ADGRG5: variants seen among roughly 807,000 people sequenced by gnomAD.
The protein encoded by ADGRG5 is adhesion G protein-coupled receptor G5.
ADGRG5 carries 37 observed loss-of-function variants against 53.2 expected under a neutral mutation model. The observed-to-expected ratio is 0.70, with a 90% confidence interval of 0.53 to 0.91. The LOEUF (loss-of-function observed/expected upper bound fraction) is 0.91. ADGRG5 is among the 40% of genes least tolerant of loss of function. The pLI, the probability that ADGRG5 is intolerant of heterozygous loss-of-function variation, is 0.00. For missense variants in ADGRG5, 614 were observed against 675.8 expected, an observed-to-expected ratio of 0.91 and a Z score of 1.01; for synonymous variants, 277 against 290.4, an observed-to-expected ratio of 0.95 and a Z score of 0.47.
intron 10 of ADGRG5, among the ~76,000 whole-genome samples, chr16:57,573,237 A>G (rs4784831): frequency 0.31 from 46,925 of 151,758 alleles, 8,040 homozygotes; most frequent in East Asian, 0.71. Flanking sequence ...TTCGAGATCA[A>G]CCTGGACAAC....
At chr16:57,566,922 C>G (rs1419245613) in intron 7 of ADGRG5, among the ~76,000 whole-genome samples, 171 bp downstream of exon 7, 4 of 152,236 alleles carry the variant, frequency 2.6e-5, no homozygotes, top group Admixed American at 6.5e-5. Context: ...GGTTAGGCTT[C>G]AGGCATGGCT....
At chr16:57,542,550 G>C (rs1422770922), upstream of ADGRG5, 1 of 152,734 alleles carries the variant, frequency 6.5e-6, no homozygotes, top group Non-Finnish European at 1.5e-5. Flanking sequence ...CTGGGCCTGG[G>C]GTGAAGGGAG....
At chr16:57,559,717 G>A (rs540172408) in intron 1 of ADGRG5, among the ~76,000 whole-genome samples, 2 of 151,862 alleles carry the variant, frequency 1.3e-5, no homozygotes, top group Admixed American at 1.3e-4. Flanking sequence ...TTGCTTGGTG[G>A]CCTGTGACCC....
chr16:57,562,292 A>G, intron 2 of ADGRG5, 92 bp from the exon 3 acceptor site: 1 of 1,419,182 alleles, frequency 7.0e-7, no homozygotes, highest in South Asian at 1.2e-5. Context: ...GCTGCTTGTG[A>G]ACTAGACTCT....
chr16:57,567,798 G>A, intron 8 of ADGRG5, 58 bp from the exon 9 acceptor site: 3 of 1,548,312 alleles, frequency 1.9e-6, no homozygotes, highest in Non-Finnish European at 1.7e-6. Flanking sequence ...TGCACCCAGT[G>A]GGTAGTGCTG....
rs2146854036 is a variant in ADGRG5, at chr16:57,576,557, G to C, written c.*1019G>C. The C allele has an allele frequency of 6.6e-6, 1 of 152,278 alleles. No homozygotes were observed. Among genetic ancestry groups the C allele is most frequent in the African/African-American group, 2.4e-5 (1 of 41,536 alleles). The allele number at this position is 152,278 out of a possible 1,614,324, so 9.4% of individuals were successfully genotyped here. On this transcript the variant is annotated 3_prime_UTR_variant, in exon 12 of 12. Transcript: ENST00000349457. Reference sequence around the variant, plus strand: ...AGTGCGTTTCCCAGAACGAACACTAGGCGGCACCGTTGGTCCACACTCAGA... The same window carrying C: ...AGTGCGTTTCCCAGAACGAACACTACGCGGCACCGTTGGTCCACACTCAGA...
chr16:57,540,949 C>G (rs1344043203), upstream of ADGRG5, among the ~76,000 whole-genome samples: 4 of 152,136 alleles, frequency 2.6e-5, no homozygotes, highest in Non-Finnish European at 4.4e-5. Context: ...TGCCACCACA[C>G]CCGGCTAATT....
chr16:57,543,966 C>CCAGTGT (rs1448344905), intron 1 of ADGRG5, among the ~76,000 whole-genome samples: 1 of 152,130 alleles, frequency 6.6e-6, no homozygotes, highest in Non-Finnish European at 1.5e-5. Context: ...AGGTGCCTGC[C>CCAGTGT]CAGTGTCACA....
intron 3 of ADGRG5, 102 bp from the exon 4 acceptor site, chr16:57,562,989 G>T: frequency 9.1e-7 from 1 of 1,104,386 alleles, no homozygotes; most frequent in Non-Finnish European, 1.4e-6. Flanking sequence ...TGTGACAGAG[G>T]TGTGGGTGGG....
intron 1 of ADGRG5, among the ~76,000 whole-genome samples, chr16:57,544,472 A>G (rs1305513595): frequency 1.3e-5 from 2 of 152,056 alleles, no homozygotes; most frequent in Non-Finnish European, 2.9e-5. Flanking sequence ...TTCTATCTGG[A>G]GTGCCTGGGG....
At chr16:57,545,440 C>T (rs2032593332) in intron 1 of ADGRG5, among the ~76,000 whole-genome samples, 1 of 152,100 alleles carries the variant, frequency 6.6e-6, no homozygotes, top group Admixed American at 6.6e-5. Flanking sequence ...TGATCCCAGC[C>T]CTTTGGGAGG....
In ADGRG5 at chr16:57,570,504, G is replaced by A; in HGVS notation, c.1177G>A (p.Glu393Lys). 6.2e-7 allele frequency: 1 copy of A among 1,613,454 alleles called. No individual in the cohort carries two copies. Residue 393 changes from glutamate (E) to lysine (K), a missense_variant, in exon 10 of 12, where the codon GAG becomes AAG. By Grantham distance (56) the Glu-to-Lys change is moderately conservative. Transcript: ENST00000349457. ...PCTIPVFDSWENGTGFQNMSI... is the reference protein window; with the variant it reads ...PCTIPVFDSWKNGTGFQNMSI... Reference sequence around the variant, plus strand: ...CACAATCCCCGTCTTCGACAGCTGGGAGAATGGCACAGGCTTCCAGAACAT... The same window carrying A: ...CACAATCCCCGTCTTCGACAGCTGGAAGAATGGCACAGGCTTCCAGAACAT...
intron 1 of ADGRG5, among the ~76,000 whole-genome samples, chr16:57,546,101 C>T (rs1253247144): frequency 6.6e-6 from 1 of 152,298 alleles, no homozygotes; most frequent in East Asian, 1.9e-4. Context: ...GCTGGGATTA[C>T]AGGTGTGAGC....
the ADGRG5 span, among the ~76,000 whole-genome samples, chr16:57,536,031 T>C: frequency 6.9e-4 from 105 of 152,108 alleles, 1 homozygote; most frequent in African/African-American, 2.4e-3. Flanking sequence ...GTGGAGGGGG[T>C]TCCCGGCCCG....
At chr16:57,537,263 C>T in the ADGRG5 span, among the ~76,000 whole-genome samples, 1 of 151,928 alleles carries the variant, frequency 6.6e-6, no homozygotes, top group Admixed American at 6.5e-5. Context: ...AAAGCCGGGA[C>T]AGGCGTCTGG....
intron 9 of ADGRG5, among the ~76,000 whole-genome samples, chr16:57,568,464 A>C (rs371920261): frequency 7.5e-4 from 56 of 74,878 alleles, no homozygotes; most frequent in African/African-American, 1.0e-3. Context: ...TCATCATCTC[A>C]TCCACCTCTG....
rs2146795403 is a variant in ADGRG5, at chr16:57,562,636, T to C, written c.140+177T>C. 5.1e-6 allele frequency: 3 copies of C among 588,882 alleles called. No individual in the cohort carries two copies. In the East Asian group the frequency reaches 8.5e-5, roughly 17 times the overall value. The allele number at this position is 588,882 out of a possible 1,614,324, so 36.5% of individuals were successfully genotyped here. A position where few individuals can be genotyped will look rare whatever the true frequency, so the allele number is the denominator to read the frequency against. On this transcript the variant is annotated intron_variant, in intron 3 of 11. Transcript: ENST00000349457. ...CATGTCACTGCCCTCATGAAGTTTA[T>C]CATCGAGGAATGGGGGCCCTTAATC...
intron 4 of ADGRG5, 37 bp downstream of exon 4, chr16:57,563,284 C>A: frequency 6.3e-7 from 1 of 1,599,270 alleles, no homozygotes; most frequent in African/African-American, 1.3e-5. Context: ...GGCCAGCTGC[C>A]CCGCCCTAGA....
intron 1 of ADGRG5, among the ~76,000 whole-genome samples, chr16:57,556,548 A>T (rs2032886592): frequency 6.6e-6 from 1 of 152,182 alleles, no homozygotes; most frequent in Non-Finnish European, 1.5e-5. Context: ...TTCGAATAAC[A>T]TTACAATACT....
Sources: gnomAD v4.1 joint callset for allele counts (sites outside exome capture counted in the v4.1 genomes callset) on GRCh38, gnomAD v4.1.1 for gene constraint, MANE v1.5 for transcripts, NCBI Gene and HGNC (gene_info 2026-07-23, HGNC 2026-07-21) for gene names.